ZFHX3: variants seen among roughly 807,000 people sequenced by gnomAD.
The protein encoded by ZFHX3 is zinc finger homeobox protein 3.
ZFHX3 carries 42 observed loss-of-function variants against 279.1 expected under a neutral mutation model. The ratio of observed to expected loss-of-function variants is 0.15; its 90% CI spans 0.12 to 0.19. The LOEUF (loss-of-function observed/expected upper bound fraction) is 0.19. Ranked by LOEUF, ZFHX3 falls within the 10% of genes least tolerant of loss-of-function variation. The pLI is 1.00. For missense variants in ZFHX3, 4,981 were observed against 4,754.0 expected, an observed-to-expected ratio of 1.05 and a Z score of -1.40; for synonymous variants, 2,293 against 1,957.8, an observed-to-expected ratio of 1.17 and a Z score of -4.52.
At chr16:72,997,504 T>C (rs1190155584) in intron 1 of ZFHX3, among the ~76,000 whole-genome samples, 2 of 152,194 alleles carry the variant, frequency 1.3e-5, no homozygotes, top group Admixed American at 6.5e-5. Flanking sequence ...GCTACACATC[T>C]GTCTCCTCAC....
rs1310589141 is a variant in ZFHX3, at chr16:72,783,453, T to TGGGTCACTGCCTCTCTCTCCTGCAA, written c.*3686_*3710dup. ...TCCATGAACATCAAGTGCACTGGCT[T>TGGGTCACTGCCTCTCTCTCCTGCAA]GGGTCACTGCCTCTCTCTCCTGCAA... On this transcript the variant is annotated 3_prime_UTR_variant, in exon 10 of 10. Transcript: ENST00000268489. 14 of 152,556 alleles carry TGGGTCACTGCCTCTCTCTCCTGCAA rather than the reference T, an allele frequency of 9.2e-5. No individual in the cohort carries two copies. Among genetic ancestry groups the TGGGTCACTGCCTCTCTCTCCTGCAA allele is most frequent in the Non-Finnish European group, 1.5e-5 (1 of 68,022 alleles). 9.5% of individuals were successfully genotyped at this position (152,556 alleles called of 1,614,324 possible).
At chr16:72,956,590 T>C (rs1961261545) in intron 2 of ZFHX3, among the ~76,000 whole-genome samples, 1 of 152,176 alleles carries the variant, frequency 6.6e-6, no homozygotes, top group African/African-American at 2.4e-5. Context: ...AGCCAATTGG[T>C]AAGACTGGGA....
chr16:73,589,176 C>T (rs1380437581), intron 2 of ZFHX3, among the ~76,000 whole-genome samples: 1 of 145,264 alleles, frequency 6.9e-6, no homozygotes, highest in African/African-American at 2.5e-5. Flanking sequence ...AGGAGAATCG[C>T]TTGACCCTCG....
rs146869027 is a variant in ZFHX3, at chr16:72,937,739, AAG to A, written c.3216+12728_3216+12729del. 8.5e-5 allele frequency among the ~76,000 whole-genome samples: 13 copies of A among 152,310 alleles called. No homozygotes were observed. In the East Asian group the frequency reaches 2.3e-3, roughly 27 times the overall value. On this transcript the variant is annotated intron_variant, in intron 3 of 9. Transcript: ENST00000268489. ...GTTCCACTTCTACCACTGCAGAGGG[AAG>A]GAAGGAAAACACCATCTCCTCTCAC... is the stretch of plus-strand genomic sequence containing the variant.
At chr16:73,626,076 T>A (rs1052628987) in intron 2 of ZFHX3, among the ~76,000 whole-genome samples, 3 of 152,124 alleles carry the variant, frequency 2.0e-5, no homozygotes, top group Non-Finnish European at 4.4e-5. Flanking sequence ...CAGGATGGTC[T>A]CGATCTCCTG....
chr16:73,759,556 T>A (rs1269281868), intron 1 of ZFHX3, among the ~76,000 whole-genome samples: 1 of 152,144 alleles, frequency 6.6e-6, no homozygotes, highest in East Asian at 1.9e-4. Context: ...TACAGAGAAG[T>A]ATGGGGAAAG....
intron 3 of ZFHX3, among the ~76,000 whole-genome samples, chr16:72,946,300 G>A (rs1960672721): frequency 6.6e-6 from 1 of 152,150 alleles, no homozygotes; most frequent in Non-Finnish European, 1.5e-5. Flanking sequence ...GCCCACAGCA[G>A]CTCACATGTG....
Position 73,720,000 on chromosome 16 carries a change from T to C in ZFHX3, c.-1607-39760A>G, listed in dbSNP as rs117083167. ...TTACCTACAAGCCATGTAATAAATA[T>C]CTGTGAAATTGATGAGTAACCCATA... On this transcript the variant is annotated intron_variant, in intron 1 of 17. Coordinates refer to the ZFHX3 transcript ENST00000641206. Among the ~76,000 whole-genome samples the C allele has an allele frequency of 4.5e-3, 689 of 152,366 alleles. 19 individuals are homozygous for C. The highest frequency in any genetic ancestry group is 0.027 in the East Asian group (139 of 5,190).
At chr16:73,412,182 C>T (rs998497140) in intron 3 of ZFHX3, among the ~76,000 whole-genome samples, 5 of 151,840 alleles carry the variant, frequency 3.3e-5, no homozygotes, top group African/African-American at 4.8e-5. Context: ...AAAAATTAGC[C>T]GGACATAGTG....
intron 3 of ZFHX3, among the ~76,000 whole-genome samples, chr16:73,324,367 C>T (rs921899913): frequency 6.6e-5 from 10 of 152,164 alleles, no homozygotes; most frequent in African/African-American, 2.4e-4. Context: ...GTGTGGTAGA[C>T]TTGACTACAG....
chr16:73,194,124 C>T (rs1968096022), intron 5 of ZFHX3, among the ~76,000 whole-genome samples: 1 of 152,178 alleles, frequency 6.6e-6, no homozygotes, highest in Admixed American at 6.6e-5. Flanking sequence ...GTGTTCCAAC[C>T]CATCCATGGA....
Position 72,959,949 on chromosome 16 carries a change from G to T in ZFHX3, c.197C>A (p.Ala66Glu), listed in dbSNP as rs778500476. The change falls in exon 2 of 10, where the codon GCG becomes GAG. Residue 66 changes from alanine (A) to glutamate (E), a missense_variant. Around this residue, in one of 7 missense-constraint regions of ZFHX3, gnomAD observed 1,068 missense variants for 935.2 expected, o/e 1.14. Coordinates refer to ENST00000268489, the MANE Select transcript of ZFHX3 (RefSeq NM_006885.4). The part of the protein sequence containing the change: ...PFNERLAEST[A>E]SAGPPSEPAS... ...GGGCTCGGAGGGGGGCCCGGCCGACGCGGTGCTCTCCGCGAGGCGCTCATT... is the reference window on the plus strand; with the variant it reads ...GGGCTCGGAGGGGGGCCCGGCCGACTCGGTGCTCTCCGCGAGGCGCTCATT... 8 of 1,605,486 alleles carry T rather than the reference G, an allele frequency of 5.0e-6. No individual in the cohort carries two copies. Among genetic ancestry groups the T allele is most frequent in the Non-Finnish European group, 5.1e-6 (6 of 1,175,696 alleles).
At chr16:73,049,027 C>T (rs950905352), upstream of ZFHX3, among the ~76,000 whole-genome samples, 2 of 152,166 alleles carry the variant, frequency 1.3e-5, no homozygotes, top group Non-Finnish European at 2.9e-5. Context: ...AGATTTAAAG[C>T]GGCCACCCCA....
rs192884748 is a variant in ZFHX3 at position 72,951,232 on chromosome 16, T to C, written c.2720-267A>G. On this transcript the variant is annotated intron_variant, in intron 2 of 9. Transcript: ENST00000268489. ...TTAGGAAAAGAACACCTAGAAAAGT[T>C]AGGAGCCATAGCCTCTTTAATATTT... Among the ~76,000 whole-genome samples the C allele has an allele frequency of 5.8e-3, 888 of 152,292 alleles. 5 individuals carry two copies. The highest frequency in any genetic ancestry group is 0.021 in the African/African-American group (855 of 41,562).
At chr16:73,527,417 G>A (rs2143719324) in intron 2 of ZFHX3, among the ~76,000 whole-genome samples, 1 of 152,282 alleles carries the variant, frequency 6.6e-6, no homozygotes, top group Middle Eastern at 3.4e-3. Flanking sequence ...ATACAGACAG[G>A]CAAGAGGCAG....
intron 3 of ZFHX3, among the ~76,000 whole-genome samples, chr16:73,386,305 G>T (rs1193397612): frequency 6.6e-6 from 1 of 151,916 alleles, no homozygotes; most frequent in Non-Finnish European, 1.5e-5. Flanking sequence ...CAGGACTCAG[G>T]TTCACCAGTT....
chr16:73,605,400 G>A (rs1037171937), intron 2 of ZFHX3, among the ~76,000 whole-genome samples: 4 of 152,080 alleles, frequency 2.6e-5, no homozygotes, highest in East Asian at 1.9e-4. Flanking sequence ...CACATTTTAC[G>A]CTGGAAATCA....
At chr16:73,583,110 G>C (rs570369072) in intron 2 of ZFHX3, among the ~76,000 whole-genome samples, 36 of 152,228 alleles carry the variant, frequency 2.4e-4, no homozygotes, top group African/African-American at 8.2e-4. Context: ...CGCTGACATG[G>C]CCTTGGAAAA....
intron 4 of ZFHX3, among the ~76,000 whole-genome samples, chr16:73,280,694 G>T (rs1026450791): frequency 6.6e-6 from 1 of 152,006 alleles, no homozygotes; most frequent in Non-Finnish European, 1.5e-5. Context: ...ATAGCATAGA[G>T]GTGGCCAGGC....
Sources: gnomAD v4.1 joint callset for allele counts (sites outside exome capture counted in the v4.1 genomes callset) on GRCh38, gnomAD v4.1.1 for gene constraint, gnomAD v4.1.1 regional missense constraint, MANE v1.5 for transcripts, NCBI Gene and HGNC (gene_info 2026-07-23, HGNC 2026-07-21) for gene names.